Variants in DEDD2 observed in about 807,000 individuals in gnomAD.
DEDD2 encodes DNA-binding death effector domain-containing protein 2.
DEDD2 carries 18 observed loss-of-function variants against 28.9 expected under a neutral mutation model. That is an observed-to-expected ratio of 0.62 (90% CI 0.43 to 0.92). DEDD2 has a LOEUF of 0.92. DEDD2 is among the 40% of genes least tolerant of loss of function. The pLI, the probability that DEDD2 is intolerant of heterozygous loss-of-function variation, is 0.00. For synonymous variants in DEDD2, 211 were observed against 206.1 expected (o/e 1.02, Z -0.20); for missense variants, 411 against 463.3 (o/e 0.89, Z 1.04).
Position 42,199,385 on chromosome 19 carries a change from A to G in DEDD2, c.*53T>C. 2 of 1,498,078 alleles carry G rather than the reference A, an allele frequency of 1.3e-6. No homozygotes were observed. The highest frequency in any genetic ancestry group is 4.8e-5 in the East Asian group (2 of 41,884). The allele number at this position is 1,498,078 out of a possible 1,614,324, so 92.8% of individuals were successfully genotyped here. A position where few individuals can be genotyped will look rare whatever the true frequency, so the allele number is the denominator to read the frequency against. ...TAGGGGTAGAGATGGTCGTCCTCCC[A>G]GGAGAAGGTGGCCCGGAGACTTGGA... On this transcript the variant is annotated 3_prime_UTR_variant, in exon 5 of 5. Coordinates refer to ENST00000596251, the MANE Select transcript of DEDD2 (RefSeq NM_133328.4). The surrounding 1 kb of genome is among the most constrained non-coding windows in gnomAD (Gnocchi z 7.4).
rs2035254500 is a variant in DEDD2 at position 42,199,800 on chromosome 19, A to G, written c.619T>C (p.Cys207Arg). 1.2e-6 allele frequency: 2 copies of G among 1,602,558 alleles called. No homozygotes were observed. Among genetic ancestry groups the G allele is most frequent in the Non-Finnish European group, 1.7e-6 (2 of 1,174,498 alleles). Residue 207 changes from cysteine to arginine, a missense_variant, in exon 5 of 5, where the codon TGC becomes CGC. Cys to Arg is a radical substitution (Grantham distance 180). Transcript: ENST00000596251. This position sits in a 1 kb window ranked among gnomAD's most constrained non-coding sequence, Gnocchi z 7.4. ...TGCTCCAAGGCTGGCCCATGCTCGCAGTACTCTGCTCGAACCCGGAGCCGG... is the reference window on the plus strand; with the variant it reads ...TGCTCCAAGGCTGGCCCATGCTCGCGGTACTCTGCTCGAACCCGGAGCCGG... ...DIRLRVRAEY[C>R]EHGPALEQGV...
At position 42,199,546 on chromosome 19, in the gene DEDD2, C is replaced by T; in HGVS notation, c.873G>A (p.Glu291=). The change falls in exon 5 of 5, where the codon GAG becomes GAA. Residue 291 remains glutamate, a synonymous_variant. Transcript: ENST00000596251. This position sits in a 1 kb window ranked among gnomAD's most constrained non-coding sequence, Gnocchi z 7.4. ...TEALREAVGR[E]AVRLLVSVDE... ...CCACACTGACCAGCAGGCGAACAGC[C>T]TCCCGGCCCACAGCCTCTCGCAGGG... 1 of 1,614,114 alleles carries T rather than the reference C, an allele frequency of 6.2e-7. No individual in the cohort carries two copies. Among genetic ancestry groups the T allele is most frequent in the Non-Finnish European group, 8.5e-7 (1 of 1,179,992 alleles).
Position 42,206,162 on chromosome 19 carries a change from TA to T in DEDD2, c.589+3537del, listed in dbSNP as rs796793597. Among the ~76,000 whole-genome samples, 771 of 136,236 alleles carry T rather than the reference TA, an allele frequency of 5.7e-3. 2 individuals carry two copies. Among genetic ancestry groups the T allele is most frequent in the Middle Eastern group, 0.011 (3 of 270 alleles). The allele number at this position is 136,236 out of a possible 152,430, so 89.4% of individuals were successfully genotyped here. A position where few individuals can be genotyped will look rare whatever the true frequency, so the allele number is the denominator to read the frequency against. On this transcript the variant is annotated intron_variant, in intron 4 of 4. Transcript: ENST00000596251. ...CAAATCCTCCAACTGCTTTCCATAA[TA>T]AAAAAAAAAAAAATGCAAAGCCCAG...
At chr19:42,210,249 G>T (rs1297470035) in intron 3 of DEDD2, among the ~76,000 whole-genome samples, 1 of 152,140 alleles carries the variant, frequency 6.6e-6, no homozygotes, top group Admixed American at 6.5e-5. Context: ...CAAAATAAGT[G>T]TCTACAGTGT....
At chr19:42,203,345 A>G (rs1438422090) in intron 4 of DEDD2, among the ~76,000 whole-genome samples, 3 of 152,246 alleles carry the variant, frequency 2.0e-5, no homozygotes, top group African/African-American at 7.2e-5. Context: ...GTAAAATGTG[A>G]AGGAGGACAA....
chr19:42,199,960 C>T lies in DEDD2; in HGVS notation c.590-131G>A. 1.5e-6 allele frequency: 2 copies of T among 1,368,444 alleles called. No homozygotes were observed. The highest frequency in any genetic ancestry group is 1.9e-6 in the Non-Finnish European group (2 of 1,026,290). The allele number at this position is 1,368,444 out of a possible 1,614,324, so 84.8% of individuals were successfully genotyped here. On this transcript the variant is annotated intron_variant, in intron 4 of 4. Coordinates refer to ENST00000596251, the MANE Select transcript of DEDD2 (RefSeq NM_133328.4). The surrounding 1 kb of genome is among the most constrained non-coding windows in gnomAD (Gnocchi z 7.4). ...TAGCCACACCCTAGTCCTGACACAG[C>T]CTCCCCGGCTCTGTGGGGTTCCCTG... is the stretch of plus-strand genomic sequence containing the variant.
rs767618714 is a variant in DEDD2 at position 42,216,700 on chromosome 19, G to A, written c.308C>T (p.Ala103Val). The A allele has an allele frequency of 5.1e-6, 8 of 1,582,744 alleles. No individual in the cohort carries two copies. Among genetic ancestry groups the A allele is most frequent in the South Asian group, 4.6e-5 (4 of 87,802 alleles). Residue 103 changes from alanine (A) to valine (V), a missense_variant, in exon 2 of 5, where the codon GCG becomes GTG. Physicochemically the swap from Ala to Val is moderately conservative, Grantham distance 64 (BLOSUM62 0). Transcript: ENST00000596251. ...LARHDLLPHL[A>V]RKRRRPVSPE... is the part of the protein sequence containing the mutation. ...CGTACCTGGCCGGCGCCGCTTGCGC[G>A]CCAGGTGCGGCAGCAGGTCGTGGCG...
rs142414689 is a variant in DEDD2 at position 42,201,900 on chromosome 19, G to C, written c.590-2071C>G. ...GACCTCAATCAATGTGGGTGGGAGA[G>C]CAGGGGGCTGGGAGGAGCAGCACCT... is the stretch of plus-strand genomic sequence containing the variant. On this transcript the variant is annotated intron_variant, in intron 4 of 4. Coordinates refer to ENST00000596251, the MANE Select transcript of DEDD2 (RefSeq NM_133328.4). 8.9e-4 allele frequency: 353 copies of C among 397,816 alleles called. 3 individuals are homozygous for C. Among genetic ancestry groups the C allele is most frequent in the African/African-American group, 6.7e-3 (326 of 48,736 alleles). 24.6% of individuals were successfully genotyped at this position (397,816 alleles called of 1,614,324 possible).
rs1325342675 is a variant in DEDD2, at chr19:42,200,848, G to C, written c.590-1019C>G. On this transcript the variant is annotated intron_variant, in intron 4 of 4. Coordinates refer to ENST00000596251, the MANE Select transcript of DEDD2 (RefSeq NM_133328.4). ...CAAAAGAGGTGGCAGCTGTGTACAG[G>C]GGACAGGACACTGGACTTCTAAGGC... Among the ~76,000 whole-genome samples the C allele has an allele frequency of 2.6e-5, 4 of 152,268 alleles. No individual in the cohort carries two copies. The East Asian group carries it at 5.8e-4, about 22-fold the overall frequency.
chr19:42,216,891 C>T lies in DEDD2; in HGVS notation c.117G>A (p.Glu39=). The change falls in exon 2 of 5, where the codon GAG becomes GAA. Residue 39 remains glutamate (E), a synonymous_variant. Transcript: ENST00000596251. ...MFEVVGGQLT[E]CELELLAFLL... is the part of the protein sequence containing the mutation. ...GAAAGGCCAGGAGCTCCAGCTCGCA[C>T]TCGGTCAGTTGCCCGCCCACCACCT... The T allele has an allele frequency of 6.3e-7, 1 of 1,599,078 alleles. No individual in the cohort carries two copies. Among genetic ancestry groups the T allele is most frequent in the Non-Finnish European group, 8.5e-7 (1 of 1,173,458 alleles).
In DEDD2 at chr19:42,215,046, G is replaced by C. The variant is rs2035910314; in HGVS notation, c.448+87C>G. On this transcript the variant is annotated intron_variant, in intron 3 of 4. Coordinates refer to ENST00000596251, the MANE Select transcript of DEDD2 (RefSeq NM_133328.4). Reference sequence around the variant, plus strand: ...ACACACACACAGTGAAAATGAGACAGAATAACCCCTCAGGCCCCTTCCTTG... The same window carrying C: ...ACACACACACAGTGAAAATGAGACACAATAACCCCTCAGGCCCCTTCCTTG... 4.5e-6 allele frequency: 7 copies of C among 1,549,106 alleles called. No individual in the cohort carries two copies. The Admixed American group carries it at 7.1e-5, about 16-fold the overall frequency.
intron 4 of DEDD2, among the ~76,000 whole-genome samples, chr19:42,206,793 TCAAGAATAG>T (rs1285885885): frequency 6.6e-6 from 1 of 151,904 alleles, no homozygotes. Context: ...TGAGGAAGAG[TCAAGAATAG>T]CAGGCCTCTT....
At chr19:42,219,332 G>A (rs1568460001), upstream of DEDD2, among the ~76,000 whole-genome samples, 1 of 151,118 alleles carries the variant, frequency 6.6e-6, no homozygotes, top group Non-Finnish European at 1.5e-5. Context: ...CGGACGCGGT[G>A]GTTCACGCCT....
In DEDD2 at chr19:42,200,298, T is replaced by C. The variant is rs150341274; in HGVS notation, c.590-469A>G. Among the ~76,000 whole-genome samples the C allele has an allele frequency of 7.9e-5, 12 of 152,336 alleles. No homozygotes were observed. In the South Asian group the frequency reaches 8.3e-4, roughly 11 times the overall value. On this transcript the variant is annotated intron_variant, in intron 4 of 4. Transcript: ENST00000596251. ...TCATTATCTGTCTCTACACTCAGCA[T>C]GGAGAGACAGATGACAGCAAGGAAG...
At position 42,199,292 on chromosome 19, in the gene DEDD2, G is replaced by T; in HGVS notation, c.*146C>A. On this transcript the variant is annotated 3_prime_UTR_variant, in exon 5 of 5. Coordinates refer to ENST00000596251, the MANE Select transcript of DEDD2 (RefSeq NM_133328.4). The surrounding 1 kb of genome is among the most constrained non-coding windows in gnomAD (Gnocchi z 7.4). ...GCCTCAGAGCCCACATCCTGTGGGA[G>T]GGGCTGTCAAGGGGCCTGCTGTCCC... 1 of 1,200,302 alleles carries T rather than the reference G, an allele frequency of 8.3e-7. No individual in the cohort carries two copies. The highest frequency in any genetic ancestry group is 1.1e-6 in the Non-Finnish European group (1 of 887,194). 74.4% of individuals were successfully genotyped at this position (1,200,302 alleles called of 1,614,324 possible).
chr19:42,215,508 G>C (rs1568455163), intron 2 of DEDD2, among the ~76,000 whole-genome samples: 1 of 152,186 alleles, frequency 6.6e-6, no homozygotes, highest in South Asian at 2.1e-4. Context: ...TCATGGTAAG[G>C]GTCCCTGTAA....
chr19:42,216,039 C>G (rs1304362862), intron 2 of DEDD2, among the ~76,000 whole-genome samples: 1 of 152,160 alleles, frequency 6.6e-6, no homozygotes, highest in Non-Finnish European at 1.5e-5. Context: ...CAAACTCATT[C>G]CCACCTCAGG....
Position 42,209,814 on chromosome 19 carries a change from G to T in DEDD2, c.475C>A (p.Arg159=). 6.4e-7 allele frequency: 1 copy of T among 1,555,254 alleles called. No individual in the cohort carries two copies. Among genetic ancestry groups the T allele is most frequent in the Non-Finnish European group, 8.7e-7 (1 of 1,153,374 alleles). ...TGSPPTKRQR[R]SRGRPSGGAR... is the part of the protein sequence containing the mutation. The stretch of plus-strand genomic sequence containing the variant: ...CCACCACTGGGCCGGCCCCGACTCC[G>T]CCGCTGCCGCTTGGTTGGGGGGGAG... The change falls in exon 4 of 5, where the codon CGG becomes AGG. Residue 159 remains arginine (R), a synonymous_variant. Transcript: ENST00000596251.
Position 42,199,702 on chromosome 19 carries a change from C to A in DEDD2, c.717G>T (p.Leu239=). 1 of 1,614,134 alleles carries A rather than the reference C, an allele frequency of 6.2e-7. No individual in the cohort carries two copies. The highest frequency in any genetic ancestry group is 8.5e-7 in the Non-Finnish European group (1 of 1,179,968). Residue 239 remains leucine, a synonymous_variant, in exon 5 of 5, where the codon CTG becomes CTT. Coordinates refer to ENST00000596251, the MANE Select transcript of DEDD2 (RefSeq NM_133328.4). The surrounding 1 kb of genome is among the most constrained non-coding windows in gnomAD (Gnocchi z 7.4). ...LDVFGQATAV[L]RSRDLGSVVC... is the part of the protein sequence containing the mutation. Reference sequence around the variant, plus strand: ...CCACAGAGCCCAGGTCCCTTGAGCGCAGCACTGCGGTGGCCTGCCCAAACA... The same window carrying A: ...CCACAGAGCCCAGGTCCCTTGAGCGAAGCACTGCGGTGGCCTGCCCAAACA...
Sources: allele counts gnomAD v4.1 joint callset (sites outside exome capture counted in the v4.1 genomes callset), GRCh38; gene constraint gnomAD v4.1.1; non-coding constraint Gnocchi (gnomAD v3.1); transcripts MANE v1.5; gene names NCBI Gene and HGNC (gene_info 2026-07-23, HGNC 2026-07-21).